The following COA8 variants were observed in gnomAD, a reference collection of about 807,000 sequenced individuals.
COA8 encodes the protein UPF0671 protein C14orf153.
COA8 carries 20 observed loss-of-function variants against 22.0 expected under a neutral mutation model. The observed-to-expected ratio is 0.91, with a 90% CI of 0.64 to 1.32. COA8 has a LOEUF of 1.32. Ranked by LOEUF, COA8 falls within the 40% of genes most tolerant of loss-of-function variation. The pLI, the probability that COA8 is intolerant of heterozygous loss-of-function variation, is 0.00. For synonymous variants in COA8, 105 were observed against 79.9 expected (o/e 1.31, Z -1.68); for missense variants, 266 against 230.0 (o/e 1.16, Z -1.01).
chr14:103,576,563 G>A (rs1011332154), intron 3 of COA8, among the ~76,000 whole-genome samples: 7 of 152,326 alleles, frequency 4.6e-5, no homozygotes, highest in East Asian at 3.9e-4. Flanking sequence ...ACCCAGAGGC[G>A]GGTGGAGCTG....
At chr14:103,574,514 C>T in intron 3 of COA8, 1 of 494,558 alleles carries the variant, frequency 2.0e-6, no homozygotes, top group Non-Finnish European at 3.9e-6. Context: ...CTCAAAATAG[C>T]CTCTCCTTAT....
At chr14:103,587,798 C>T (rs1363958985) in intron 4 of COA8, among the ~76,000 whole-genome samples, 3 of 151,754 alleles carry the variant, frequency 2.0e-5, no homozygotes, top group Non-Finnish European at 2.9e-5. Flanking sequence ...TGAGCCACTG[C>T]GCCTCGTCTA....
chr14:103,588,116 CAAAAAAAAAAAAAA>C, intron 4 of COA8: 1 of 55,982 alleles, frequency 1.8e-5, no homozygotes, highest in Non-Finnish European at 3.5e-5. Context: ...AACTCCATCT[CAAAAAAAAAAAAAA>C]AAAAAAAAAA....
intron 2 of COA8, among the ~76,000 whole-genome samples, chr14:103,572,272 A>G (rs546643184): frequency 1.3e-5 from 2 of 152,338 alleles, no homozygotes; most frequent in Non-Finnish European, 2.9e-5. Flanking sequence ...CTGTATGTAC[A>G]TATATGCATA....
chr14:103,580,246 T>A (rs1555413555), intron 3 of COA8, among the ~76,000 whole-genome samples: 10 of 151,630 alleles, frequency 6.6e-5, no homozygotes, highest in South Asian at 2.1e-4. Context: ...CTCGCTAATT[T>A]AAAAAAAAAT....
chr14:103,569,548 G>C (rs2076165182), intron 1 of COA8, among the ~76,000 whole-genome samples: 1 of 152,212 alleles, frequency 6.6e-6, no homozygotes, highest in Non-Finnish European at 1.5e-5. Flanking sequence ...TGGGGAGCCT[G>C]TGAGCAGAAA....
At chr14:103,579,701 G>A (rs1268561975) in intron 3 of COA8, among the ~76,000 whole-genome samples, 2 of 151,266 alleles carry the variant, frequency 1.3e-5, no homozygotes, top group African/African-American at 2.4e-5. Flanking sequence ...GGTGGCTCAC[G>A]CCTGTAATCC....
chr14:103,571,301 G>A lies in COA8; in HGVS notation c.124-322G>A, dbSNP rs190680654. Among the ~76,000 whole-genome samples the A allele has an allele frequency of 2.1e-3, 319 of 151,972 alleles. 2 individuals carry two copies. The highest frequency in any genetic ancestry group is 6.8e-3 in the Middle Eastern group (2 of 294). Reference sequence around the variant, plus strand: ...GGAGAATGGCGTGAACCTGGGAGGCGGAGCTTGCAGTGAGCCGAGATCTCG... The same window carrying A: ...GGAGAATGGCGTGAACCTGGGAGGCAGAGCTTGCAGTGAGCCGAGATCTCG... On this transcript the variant is annotated intron_variant, in intron 1 of 4. Transcript: ENST00000409074.
At chr14:103,585,655 A>G (rs1433199268) in intron 3 of COA8, among the ~76,000 whole-genome samples, 1 of 135,982 alleles carries the variant, frequency 7.4e-6, no homozygotes, top group Admixed American at 8.0e-5. Context: ...GGCTCACTGC[A>G]ACCTCCACCT....
intron 1 of COA8, among the ~76,000 whole-genome samples, chr14:103,569,044 C>T (rs957675711): frequency 9.9e-5 from 15 of 152,180 alleles, no homozygotes; most frequent in Admixed American, 8.5e-4. Context: ...AAGGGCAGAA[C>T]TGAGGCTGCT....
chr14:103,564,860 T>G (rs928457738), intron 1 of COA8, among the ~76,000 whole-genome samples: 4 of 152,006 alleles, frequency 2.6e-5, no homozygotes, highest in African/African-American at 9.7e-5. Flanking sequence ...GGATTACAAG[T>G]GTGAGCCACC....
At chr14:103,572,438 A>C (rs562810005) in intron 2 of COA8, among the ~76,000 whole-genome samples, 1 of 152,126 alleles carries the variant, frequency 6.6e-6, no homozygotes, top group Non-Finnish European at 1.5e-5. Context: ...CTTTATGAGA[A>C]TACCGGTTTT....
In COA8 at chr14:103,563,109, T is replaced by C; in HGVS notation, c.108T>C (p.Asp36=). The C allele has an allele frequency of 1.3e-6, 2 of 1,540,408 alleles. No individual in the cohort carries two copies. The highest frequency in any genetic ancestry group is 1.7e-6 in the Non-Finnish European group (2 of 1,148,246). Reference sequence around the variant, plus strand: ...CGGAGCGCGGCGCCGAGCGCAGGGATACGGCGCCCAGCGGGGTAAGCAGGG... The same window carrying C: ...CGGAGCGCGGCGCCGAGCGCAGGGACACGGCGCCCAGCGGGGTAAGCAGGG... ...LAPERGAERR[D]TAPSGVSRFC... is the part of the protein sequence containing the mutation. Residue 36 remains aspartate (D), a synonymous_variant, in exon 1 of 5, where the codon GAT becomes GAC. Coordinates refer to ENST00000409074, the MANE Select transcript of COA8 (RefSeq NM_001370595.2).
chr14:103,580,728 T>G (rs947804321), intron 3 of COA8, among the ~76,000 whole-genome samples: 1 of 151,416 alleles, frequency 6.6e-6, no homozygotes, highest in Non-Finnish European at 1.5e-5. Context: ...TCTCTTCACC[T>G]CAGATCCACC....
rs754468127 is a variant in COA8 at position 103,590,317 on chromosome 14, T to A, written c.*31T>A. The A allele has an allele frequency of 6.3e-7, 1 of 1,581,866 alleles. No homozygotes were observed. The highest frequency in any genetic ancestry group is 1.4e-5 in the African/African-American group (1 of 73,720). ...CACTCTGACCCAGCCAGAGTCCAGG[T>A]TTCCACAGGAAGCAGATGGAGCTCC... On this transcript the variant is annotated 3_prime_UTR_variant, in exon 5 of 5. Coordinates refer to ENST00000409074, the MANE Select transcript of COA8 (RefSeq NM_001370595.2).
At chr14:103,568,621 G>GTGTGTA (rs1232366571) in intron 1 of COA8, among the ~76,000 whole-genome samples, 2 of 141,854 alleles carry the variant, frequency 1.4e-5, no homozygotes, top group African/African-American at 5.3e-5. Context: ...ATGTGTGTGT[G>GTGTGTA]TATATATATA....
At position 103,581,504 on chromosome 14, in the gene COA8, G is replaced by C; in HGVS notation, c.386-5770G>C. ...TTGGGAGGTTTCATCACGCTACTCA[G>C]AACAGCATGCAGTTCAAAACTTATG... is the stretch of plus-strand genomic sequence containing the variant. On this transcript the variant is annotated intron_variant, in intron 3 of 4. Coordinates refer to ENST00000409074, the MANE Select transcript of COA8 (RefSeq NM_001370595.2). This position sits in a 1 kb window ranked among gnomAD's most constrained non-coding sequence, Gnocchi z 4.1. 2.5e-6 allele frequency: 1 copy of C among 397,240 alleles called. No homozygotes were observed. The highest frequency in any genetic ancestry group is 4.4e-6 in the Non-Finnish European group (1 of 225,412). The allele number at this position is 397,240 out of a possible 1,614,324, so 24.6% of individuals were successfully genotyped here.
At chr14:103,573,676 C>T (rs1346819095) in intron 2 of COA8, among the ~76,000 whole-genome samples, 1 of 152,084 alleles carries the variant, frequency 6.6e-6, no homozygotes, top group East Asian at 1.9e-4. Flanking sequence ...CCTCAGCCTC[C>T]TAAGTAGGTG....
intron 3 of COA8, among the ~76,000 whole-genome samples, chr14:103,577,841 A>G (rs931540651): frequency 2.0e-5 from 3 of 152,116 alleles, no homozygotes; most frequent in Non-Finnish European, 2.9e-5. Context: ...CCTGACCAAC[A>G]TGAAGAAACT....
Sources: allele counts gnomAD v4.1 joint callset (sites outside exome capture counted in the v4.1 genomes callset), GRCh38; gene constraint gnomAD v4.1.1; non-coding constraint Gnocchi (gnomAD v3.1); transcripts MANE v1.5; gene names NCBI Gene and HGNC (gene_info 2026-07-23, HGNC 2026-07-21).